SDR16C5: variants seen among roughly 807,000 people sequenced by gnomAD.
SDR16C5 encodes epidermal retinol dehydrogenase 2.
SDR16C5 carries 20 observed loss-of-function variants against 27.7 expected under a neutral mutation model. The ratio of observed to expected loss-of-function variants is 0.72; its 90% CI spans 0.51 to 1.05. SDR16C5 has a LOEUF of 1.05. SDR16C5 is among the 50% of genes least tolerant of loss of function. The probability of loss-of-function intolerance (pLI) is 0.00; values close to 1 mark genes in which losing one functional copy is unlikely to be tolerated. For synonymous variants in SDR16C5, 139 were observed against 132.3 expected (o/e 1.05, Z -0.35); for missense variants, 374 against 366.3 (o/e 1.02, Z -0.17).
rs1237908371 is a variant in SDR16C5 at position 56,312,229 on chromosome 8, G to C, written c.393C>G (p.Gly131=). 5.0e-6 allele frequency: 8 copies of C among 1,613,148 alleles called. No homozygotes were observed. The Admixed American group carries it at 8.3e-5, about 17-fold the overall frequency. The change falls in exon 3 of 7, where the codon GGC becomes GGG. Residue 131 remains glycine (G), a synonymous_variant. Coordinates refer to ENST00000303749, the MANE Select transcript of SDR16C5 (RefSeq NM_138969.4). The part of the protein sequence containing the change: ...ILINNAGIVT[G]KKFLDCPDEL... ...CATCTGGACAGTCAAGGAACTTTTT[G>C]CCTGTTACGATTCCGGCATTGTTGA...
chr8:56,309,727 T>A, intron 3 of SDR16C5: 1 of 262,236 alleles, frequency 3.8e-6, no homozygotes. Context: ...TTTGCCTGCA[T>A]TGCAATAAGT....
intron 3 of SDR16C5, among the ~76,000 whole-genome samples, chr8:56,309,877 G>C (rs1814979123): frequency 6.6e-6 from 1 of 152,020 alleles, no homozygotes; most frequent in Non-Finnish European, 1.5e-5. Flanking sequence ...CCAGCCTTCA[G>C]GTAGCTCTTG....
At position 56,312,156 on chromosome 8, in the gene SDR16C5, C is replaced by T. The variant is rs780647370; in HGVS notation, c.465+1G>A. On this transcript the variant is annotated splice_donor_variant, in intron 3 of 6. Transcript: ENST00000303749. LOFTEE classifies it high-confidence loss of function. ...TTATGATGAGAAGAAACAATTATTA[C>T]CCATAAATGTGCTTTGAAATTCACA... 6.2e-7 allele frequency: 1 copy of T among 1,608,066 alleles called. No homozygotes were observed. The highest frequency in any genetic ancestry group is 1.7e-5 in the Admixed American group (1 of 59,758).
chr8:56,303,878 A>G, intron 6 of SDR16C5: 1 of 687,638 alleles, frequency 1.5e-6, no homozygotes, highest in Non-Finnish European at 2.7e-6. Flanking sequence ...ACAGTGCATT[A>G]CACGAATCTA....
At chr8:56,303,177 G>T (rs1814801104) in intron 6 of SDR16C5, among the ~76,000 whole-genome samples, 1 of 151,904 alleles carries the variant, frequency 6.6e-6, no homozygotes, top group South Asian at 2.1e-4. Context: ...AGCCAGGCAT[G>T]GTGATGGGCA....
chr8:56,310,927 A>C (rs1321889354), intron 3 of SDR16C5, among the ~76,000 whole-genome samples: 1 of 152,194 alleles, frequency 6.6e-6, no homozygotes, highest in Non-Finnish European at 1.5e-5. Context: ...AAAACTTTAC[A>C]AAACACCAAG....
chr8:56,315,981 T>C (rs1289115055), intron 2 of SDR16C5, 34 bp downstream of exon 2: 4 of 1,422,692 alleles, frequency 2.8e-6, no homozygotes, highest in East Asian at 2.3e-5. Flanking sequence ...GTGTGATGTG[T>C]ATCAAATTAT....
intron 3 of SDR16C5, among the ~76,000 whole-genome samples, chr8:56,311,322 C>T (rs577667446): frequency 3.9e-5 from 6 of 152,040 alleles, no homozygotes; most frequent in Middle Eastern, 3.4e-3. Context: ...GGCTGAGGCA[C>T]GAGAATCGCT....
chr8:56,314,280 G>T (rs1815131157), intron 2 of SDR16C5, among the ~76,000 whole-genome samples: 1 of 152,084 alleles, frequency 6.6e-6, no homozygotes, highest in Non-Finnish European at 1.5e-5. Context: ...TAAGGATGGG[G>T]AGTAATTTCC....
intron 6 of SDR16C5, chr8:56,304,137 ATATAAT>A (rs1409265536): frequency 1.4e-6 from 1 of 692,440 alleles, no homozygotes; most frequent in Non-Finnish European, 2.6e-6. Flanking sequence ...CACAAAGTAG[ATATAAT>A]TAGCTAATGA....
rs1022226165 is a variant in SDR16C5 at position 56,300,687 on chromosome 8, C to T, written c.*793G>A. 3.9e-5 allele frequency: 6 copies of T among 152,174 alleles called. No homozygotes were observed. Among genetic ancestry groups the T allele is most frequent in the South Asian group, 2.1e-4 (1 of 4,832 alleles). 9.4% of individuals were successfully genotyped at this position (152,174 alleles called of 1,614,324 possible). On this transcript the variant is annotated 3_prime_UTR_variant, in exon 7 of 7. Transcript: ENST00000303749. Reference sequence around the variant, plus strand: ...AGTTGAACACTTAACTTTAATTGCACGAATATATTTTTTGGATCAATAGAT... The same window carrying T: ...AGTTGAACACTTAACTTTAATTGCATGAATATATTTTTTGGATCAATAGAT...
intron 3 of SDR16C5, 71 bp from the exon 4 acceptor site, chr8:56,309,098 C>A: frequency 8.6e-7 from 1 of 1,159,676 alleles, no homozygotes; most frequent in Non-Finnish European, 1.2e-6. Context: ...TTTATATACT[C>A]ATTGTGATTA....
At chr8:56,301,688 C>T in intron 6 of SDR16C5, 115 bp from the exon 7 acceptor site, 1 of 730,242 alleles carries the variant, frequency 1.4e-6, no homozygotes, top group Admixed American at 2.1e-5. Context: ...CACTCATGCA[C>T]ACACTATGCA....
chr8:56,318,725 G>A (rs1294491201), intron 1 of SDR16C5, among the ~76,000 whole-genome samples: 2 of 152,160 alleles, frequency 1.3e-5, no homozygotes. Context: ...GTGTTCCACT[G>A]TCTCAATGTT....
rs1585916324 is a variant in SDR16C5 at position 56,312,101 on chromosome 8, A to C, written c.465+56T>G. On this transcript the variant is annotated intron_variant, in intron 3 of 6. Coordinates refer to ENST00000303749, the MANE Select transcript of SDR16C5 (RefSeq NM_138969.4). ...AATATTGTAAAAGAGCAAGAGGAAA[A>C]TACTTCCAAATGCCAGAATAATTTT... 3 of 1,471,362 alleles carry C rather than the reference A, an allele frequency of 2.0e-6. No individual in the cohort carries two copies. In the East Asian group the frequency reaches 6.8e-5, roughly 33 times the overall value. The allele number at this position is 1,471,362 out of a possible 1,614,324, so 91.1% of individuals were successfully genotyped here.
intron 2 of SDR16C5, among the ~76,000 whole-genome samples, chr8:56,312,839 C>T (rs542297601): frequency 7.2e-4 from 107 of 148,354 alleles, no homozygotes; most frequent in Non-Finnish European, 1.2e-3. Flanking sequence ...TGCAGTGGCA[C>T]GATCTTGGCT....
At chr8:56,312,393 G>T in intron 2 of SDR16C5, 105 bp from the exon 3 acceptor site, 1 of 1,026,020 alleles carries the variant, frequency 9.7e-7, no homozygotes, top group Non-Finnish European at 1.5e-6. Context: ...AATTCATACT[G>T]AGTTTATGCA....
chr8:56,315,960 A>C, intron 2 of SDR16C5, 55 bp downstream of exon 2: 1 of 1,207,142 alleles, frequency 8.3e-7, no homozygotes, highest in Non-Finnish European at 1.2e-6. Context: ...GAGAAAGGCA[A>C]GTGAAAAAGA....
intron 2 of SDR16C5, among the ~76,000 whole-genome samples, chr8:56,312,880 C>G (rs1195375170): frequency 6.6e-6 from 1 of 150,938 alleles, no homozygotes; most frequent in Non-Finnish European, 1.5e-5. Context: ...GGGTTCCCAC[C>G]ATTCTCCCGC....
Sources: gnomAD v4.1 joint callset for allele counts (sites outside exome capture counted in the v4.1 genomes callset) on GRCh38, gnomAD v4.1.1 for gene constraint, MANE v1.5 for transcripts, NCBI Gene and HGNC (gene_info 2026-07-23, HGNC 2026-07-21) for gene names.